Variants in TMEM132D observed in about 807,000 individuals in gnomAD.
The protein encoded by TMEM132D is transmembrane protein 132D.
A neutral mutation model predicts 62.3 loss-of-function variants in TMEM132D; 21 were observed. That is an observed-to-expected ratio of 0.34 (90% CI 0.24 to 0.49). The LOEUF is 0.49. Among genes scored for constraint, TMEM132D ranks in the 20% least tolerant of loss-of-function variants. TMEM132D has a pLI of 0.99. For missense variants in TMEM132D, 1,346 were observed against 1,402.8 expected (o/e 0.96, Z 0.65); for synonymous variants, 621 against 575.6 (o/e 1.08, Z -1.13).
At chr12:129,411,543 C>CG (rs1321982416) in intron 3 of TMEM132D, among the ~76,000 whole-genome samples, 2 of 151,850 alleles carry the variant, frequency 1.3e-5, no homozygotes, top group East Asian at 1.9e-4. Context: ...TTTATAGAGA[C>CG]GGGGTCTTGC....
chr12:129,205,362 C>T (rs1204933768), intron 5 of TMEM132D, among the ~76,000 whole-genome samples: 2 of 118,802 alleles, frequency 1.7e-5, no homozygotes, highest in Non-Finnish European at 1.7e-5. Flanking sequence ...GCAAGAGTTA[C>T]AATCCTAATT....
chr12:129,202,494 C>A (rs187072648), intron 5 of TMEM132D, among the ~76,000 whole-genome samples: 1 of 152,104 alleles, frequency 6.6e-6, no homozygotes, highest in African/African-American at 2.4e-5. Flanking sequence ...TTCGTTGCAC[C>A]CTCTATATTT....
chr12:129,141,628 G>A (rs1357357751), intron 5 of TMEM132D, among the ~76,000 whole-genome samples: 3 of 152,068 alleles, frequency 2.0e-5, no homozygotes, highest in Non-Finnish European at 4.4e-5. Context: ...GCATGACCCA[G>A]AATAAGTGAT....
chr12:129,245,012 C>T (rs1305290255), intron 4 of TMEM132D, among the ~76,000 whole-genome samples: 1 of 151,970 alleles, frequency 6.6e-6, no homozygotes, highest in Non-Finnish European at 1.5e-5. Context: ...AATTCTAAGC[C>T]CATATTCTTT....
intron 4 of TMEM132D, among the ~76,000 whole-genome samples, chr12:129,213,784 G>A (rs936881942): frequency 1.3e-5 from 2 of 152,068 alleles, no homozygotes; most frequent in South Asian, 2.1e-4. Context: ...TACTCATGAG[G>A]GATTCACTCC....
chr12:129,086,136 A>C lies in TMEM132D; in HGVS notation c.1444-1434T>G, dbSNP rs1174243235. 5 of 152,342 alleles carry C rather than the reference A, an allele frequency of 3.3e-5. No individual in the cohort carries two copies. In the East Asian group the frequency reaches 7.7e-4, roughly 23 times the overall value. 9.4% of individuals were successfully genotyped at this position (152,342 alleles called of 1,614,324 possible). On this transcript the variant is annotated intron_variant, in intron 5 of 8. Coordinates refer to ENST00000422113, the MANE Select transcript of TMEM132D (RefSeq NM_133448.3). ...TCTACAACATGATGTTTTGATCTAC[A>C]TGTGTACTGTGAAATAATTACAAGT...
chr12:129,640,526 C>T (rs1340683064), intron 2 of TMEM132D, among the ~76,000 whole-genome samples: 1 of 152,168 alleles, frequency 6.6e-6, no homozygotes, highest in African/African-American at 2.4e-5. Context: ...TCACAGTGAG[C>T]TATTGGGGAA....
chr12:129,295,534 G>T (rs145143446), intron 4 of TMEM132D, among the ~76,000 whole-genome samples: 4,408 of 150,112 alleles, frequency 0.029, 213 homozygotes, highest in East Asian at 0.23. Context: ...GGGTTCAAGC[G>T]ATTCTCCTGC....
intron 1 of TMEM132D, among the ~76,000 whole-genome samples, chr12:129,747,533 C>G (rs867377176): frequency 1.3e-4 from 20 of 148,368 alleles, no homozygotes; most frequent in African/African-American, 4.9e-4. Context: ...CACATTCAGA[C>G]ACACACACTC....
chr12:129,185,773 G>GTCTGTCTATCTATCTA (rs796145548), intron 5 of TMEM132D, among the ~76,000 whole-genome samples: 35 of 136,016 alleles, frequency 2.6e-4, no homozygotes, highest in East Asian at 1.2e-3. Flanking sequence ...CTGTCTGTCT[G>GTCTGTCTATCTATCTA]TCTATCTATC....
chr12:129,429,770 T>C (rs1255741622), intron 3 of TMEM132D, among the ~76,000 whole-genome samples: 1 of 132,522 alleles, frequency 7.5e-6, no homozygotes. Flanking sequence ...GTGTGTGATG[T>C]TCCCCTCCCT....
chr12:129,285,427 T>C (rs1881265152), intron 4 of TMEM132D, among the ~76,000 whole-genome samples: 1 of 150,482 alleles, frequency 6.6e-6, no homozygotes. Flanking sequence ...CCCGGGAGGC[T>C]GAGGCAGGAA....
At chr12:129,160,358 G>A (rs1379275795) in intron 5 of TMEM132D, among the ~76,000 whole-genome samples, 1 of 152,224 alleles carries the variant, frequency 6.6e-6, no homozygotes, top group Non-Finnish European at 1.5e-5. Context: ...ATTCCATCTG[G>A]TTGCACTGAT....
intron 3 of TMEM132D, among the ~76,000 whole-genome samples, chr12:129,453,290 C>T (rs1056761382): frequency 6.6e-6 from 1 of 152,166 alleles, no homozygotes; most frequent in African/African-American, 2.4e-5. Context: ...CTAAACGAAG[C>T]CCATATCTGC....
chr12:129,820,738 C>G (rs935629484), intron 1 of TMEM132D, among the ~76,000 whole-genome samples: 1 of 152,146 alleles, frequency 6.6e-6, no homozygotes, highest in Non-Finnish European at 1.5e-5. Flanking sequence ...ATTGAACAAA[C>G]TGTTCCTCAA....
At chr12:129,566,406 C>A (rs551498903) in intron 2 of TMEM132D, among the ~76,000 whole-genome samples, 19 of 151,860 alleles carry the variant, frequency 1.3e-4, no homozygotes, top group Non-Finnish European at 2.4e-4. Context: ...CTGAAGTTAA[C>A]CTGAAAAACT....
At chr12:129,242,576 G>C (rs1879965347) in intron 4 of TMEM132D, among the ~76,000 whole-genome samples, 1 of 151,754 alleles carries the variant, frequency 6.6e-6, no homozygotes, top group Non-Finnish European at 1.5e-5. Flanking sequence ...TCATTTTCAT[G>C]GGTTATCACC....
intron 2 of TMEM132D, among the ~76,000 whole-genome samples, chr12:129,556,933 A>T (rs1877079682): frequency 6.6e-6 from 1 of 152,234 alleles, no homozygotes; most frequent in Non-Finnish European, 1.5e-5. Flanking sequence ...TAAAGTTGAC[A>T]TTTAAAATTT....
intron 1 of TMEM132D, among the ~76,000 whole-genome samples, chr12:129,825,617 C>T (rs927400159): frequency 2.0e-5 from 3 of 152,134 alleles, no homozygotes; most frequent in African/African-American, 7.2e-5. Context: ...GCATCTGGAG[C>T]CACTGTGTGT....
Sources: gnomAD v4.1 joint callset for allele counts (sites outside exome capture counted in the v4.1 genomes callset) on GRCh38, gnomAD v4.1.1 for gene constraint, MANE v1.5 for transcripts, NCBI Gene and HGNC (gene_info 2026-07-23, HGNC 2026-07-21) for gene names.